The following SIK3 variants were observed in gnomAD, a reference collection of about 807,000 sequenced individuals.
The protein encoded by SIK3 is SIK family kinase 3.
A neutral mutation model predicts 144.2 loss-of-function variants in SIK3; 28 were observed. The observed-to-expected ratio is 0.19, with a 90% CI of 0.14 to 0.27. The LOEUF is 0.27. Among genes scored for constraint, SIK3 ranks in the 10% least tolerant of loss-of-function variants. The pLI, the probability that SIK3 is intolerant of heterozygous loss-of-function variation, is 1.00. For missense variants in SIK3, 1,319 were observed against 1,776.0 expected, an observed-to-expected ratio of 0.74 and a Z score of 4.62; for synonymous variants, 686 against 676.3, an observed-to-expected ratio of 1.01 and a Z score of -0.22.
intron 1 of SIK3, among the ~76,000 whole-genome samples, chr11:116,994,173 T>C (rs1390373372): frequency 6.6e-6 from 1 of 152,228 alleles, no homozygotes; most frequent in African/African-American, 2.4e-5. Context: ...TTTTCAGTTA[T>C]TGAATTACAA....
chr11:116,897,002 G>A (rs147891069), intron 5 of SIK3, among the ~76,000 whole-genome samples, 191 bp downstream of exon 5: 8,576 of 146,812 alleles, frequency 0.058, 833 homozygotes, highest in African/African-American at 0.21. Flanking sequence ...TCTCCAGCCT[G>A]GGCGACAGAG....
chr11:116,978,001 G>A (rs942185489), intron 1 of SIK3, among the ~76,000 whole-genome samples: 9 of 152,146 alleles, frequency 5.9e-5, no homozygotes, highest in African/African-American at 1.9e-4. Context: ...GGTGGATCAC[G>A]AGGTCAGGAG....
chr11:117,047,953 C>T (rs1457402220), intron 1 of SIK3, among the ~76,000 whole-genome samples: 2 of 152,062 alleles, frequency 1.3e-5, no homozygotes, highest in Non-Finnish European at 2.9e-5. Context: ...TGCCTGACAG[C>T]CTCAGTGTGT....
intron 6 of SIK3, among the ~76,000 whole-genome samples, chr11:116,882,712 G>A (rs1248323336): frequency 1.3e-5 from 2 of 152,312 alleles, no homozygotes; most frequent in Middle Eastern, 3.4e-3. Flanking sequence ...GGATGATCTA[G>A]TTTCTTATGT....
Position 116,874,052 on chromosome 11 carries a change from C to T in SIK3, c.1432G>A (p.Glu478Lys). 1 of 1,613,526 alleles carries T rather than the reference C, an allele frequency of 6.2e-7. No homozygotes were observed. Among genetic ancestry groups the T allele is most frequent in the Non-Finnish European group, 8.5e-7 (1 of 1,179,838 alleles). Residue 478 changes from glutamate (E) to lysine (K), a missense_variant, in exon 12 of 25, where the codon GAA (glutamate) becomes AAA (lysine). Glu to Lys is a moderately conservative substitution (Grantham distance 56, BLOSUM62 1). Transcript: ENST00000445177. ...AGCTTCTGCAGATCTTCCATAACTTCCGTGCTGATACAAAACAGAATGACA... is the reference window on the plus strand; with the variant it reads ...AGCTTCTGCAGATCTTCCATAACTTTCGTGCTGATACAAAACAGAATGACA... ...HTVGVADPRT[E>K]VMEDLQKLLP...
chr11:116,870,749 A>T (rs1055494338), intron 13 of SIK3, among the ~76,000 whole-genome samples: 16 of 152,210 alleles, frequency 1.1e-4, no homozygotes, highest in African/African-American at 3.9e-4. Context: ...CAATTACAAA[A>T]TAGCATGATC....
chr11:117,045,333 A>C (rs932260994), intron 1 of SIK3, among the ~76,000 whole-genome samples: 1 of 152,168 alleles, frequency 6.6e-6, no homozygotes, highest in African/African-American at 2.4e-5. Flanking sequence ...CAAGAGTATC[A>C]GTTTCAGAAT....
rs775687426 is a variant in SIK3, at chr11:116,875,396, T to C, written c.1295A>G (p.Asn432Ser). 6 of 1,614,200 alleles carry C rather than the reference T, an allele frequency of 3.7e-6. No homozygotes were observed. In the East Asian group the frequency reaches 8.9e-5, roughly 24 times the overall value. ...NISVPQVQLI[N>S]PENQIVEPDG... ...TGCCTCCACAATTTGGTTCTCTGGGTTGATCAGCTGCACCTGGGGAACGCT... is the reference window on the plus strand; with the variant it reads ...TGCCTCCACAATTTGGTTCTCTGGGCTGATCAGCTGCACCTGGGGAACGCT... Residue 432 changes from asparagine (N) to serine (S), a missense_variant, in exon 10 of 25, where the codon AAC becomes AGC. This residue lies in a region of SIK3 where 167 missense variants were observed against 263.3 expected (regional missense o/e 0.63). Coordinates refer to ENST00000445177, the MANE Select transcript of SIK3 (RefSeq NM_001366686.3).
At chr11:116,917,320 A>G (rs1946697903) in intron 4 of SIK3, among the ~76,000 whole-genome samples, 1 of 152,138 alleles carries the variant, frequency 6.6e-6, no homozygotes, top group African/African-American at 2.4e-5. Flanking sequence ...TAACTTTTCT[A>G]TAGTTCTTAT....
chr11:117,059,304 G>C (rs10892069), intron 1 of SIK3, among the ~76,000 whole-genome samples: 2 of 152,068 alleles, frequency 1.3e-5, no homozygotes, highest in Non-Finnish European at 2.9e-5. Flanking sequence ...GATTTAGAAG[G>C]AATAGGAATT....
At chr11:116,958,632 T>C (rs139658578) in intron 1 of SIK3, among the ~76,000 whole-genome samples, 1 of 151,920 alleles carries the variant, frequency 6.6e-6, no homozygotes, top group Non-Finnish European at 1.5e-5. Context: ...GGAGAAGAGG[T>C]AGAAAAAGTC....
At chr11:117,056,409 A>G (rs1591623830) in intron 1 of SIK3, among the ~76,000 whole-genome samples, 1 of 152,222 alleles carries the variant, frequency 6.6e-6, no homozygotes, top group East Asian at 1.9e-4. Flanking sequence ...TAGCATTAGG[A>G]GATATACCTT....
chr11:117,094,639 A>C (rs1955390782), intron 1 of SIK3, among the ~76,000 whole-genome samples: 1 of 152,116 alleles, frequency 6.6e-6, no homozygotes, highest in African/African-American at 2.4e-5. Flanking sequence ...AAATGCATAC[A>C]AAATCTATCT....
chr11:117,065,670 A>C (rs1953979225), intron 1 of SIK3, among the ~76,000 whole-genome samples: 1 of 151,138 alleles, frequency 6.6e-6, no homozygotes, highest in East Asian at 1.9e-4. Context: ...ACAGAGTCTC[A>C]CACTGTTGGA....
At chr11:117,081,966 A>C (rs1459575484) in intron 1 of SIK3, among the ~76,000 whole-genome samples, 1 of 152,228 alleles carries the variant, frequency 6.6e-6, no homozygotes, top group Admixed American at 6.5e-5. Context: ...CCAATTCAAA[A>C]ATGGGCAAAG....
chr11:116,947,138 T>G (rs982443984), intron 3 of SIK3, among the ~76,000 whole-genome samples: 4 of 136,204 alleles, frequency 2.9e-5, no homozygotes, highest in African/African-American at 1.1e-4. Context: ...ATATATAAAT[T>G]ATTATTTATA....
chr11:116,936,134 A>C (rs892855054), intron 3 of SIK3, among the ~76,000 whole-genome samples: 2 of 152,188 alleles, frequency 1.3e-5, no homozygotes, highest in East Asian at 1.9e-4. Flanking sequence ...AAAAAATTTG[A>C]AAGATATCTA....
chr11:116,907,704 T>C (rs1591292349), intron 4 of SIK3, among the ~76,000 whole-genome samples: 1 of 152,198 alleles, frequency 6.6e-6, no homozygotes, highest in East Asian at 1.9e-4. Flanking sequence ...TTTTTCATTT[T>C]ATTATTGACT....
intron 1 of SIK3, among the ~76,000 whole-genome samples, chr11:117,038,604 C>T (rs1427674566): frequency 1.3e-5 from 2 of 151,926 alleles, no homozygotes; most frequent in Non-Finnish European, 2.9e-5. Flanking sequence ...TGATCCTCCT[C>T]GGCCTCTCAA....
Sources: allele counts gnomAD v4.1 joint callset (sites outside exome capture counted in the v4.1 genomes callset), GRCh38; gene constraint gnomAD v4.1.1; regional missense constraint gnomAD v4.1.1; transcripts MANE v1.5; gene names NCBI Gene and HGNC (gene_info 2026-07-23, HGNC 2026-07-21).